RBL1: variants seen among roughly 807,000 people sequenced by gnomAD.
RBL1 encodes retinoblastoma-like protein 1.
RBL1 carries 82 observed loss-of-function variants against 123.0 expected under a neutral mutation model. The observed-to-expected ratio is 0.67, with a 90% CI of 0.56 to 0.80. The LOEUF (loss-of-function observed/expected upper bound fraction) is 0.80. Ranked by LOEUF, RBL1 falls within the 30% of genes least tolerant of loss-of-function variation. The pLI is 0.00. For synonymous variants in RBL1, 405 were observed against 441.3 expected, an observed-to-expected ratio of 0.92 and a Z score of 1.03; for missense variants, 1,171 against 1,299.6, an observed-to-expected ratio of 0.90 and a Z score of 1.52.
chr20:37,066,905 G>A (rs747780923), intron 5 of RBL1, 21 bp from the exon 6 acceptor site: 3 of 1,605,180 alleles, frequency 1.9e-6, no homozygotes, highest in Non-Finnish European at 2.5e-6. Context: ...AGTGTAGGAA[G>A]GGCAGAGGGA....
At chr20:37,073,776 C>G (rs1157017044) in intron 2 of RBL1, among the ~76,000 whole-genome samples, 3 of 148,918 alleles carry the variant, frequency 2.0e-5, no homozygotes, top group Admixed American at 1.3e-4. Flanking sequence ...CCCAGCTACT[C>G]AGGAGTCTTA....
Position 37,068,026 on chromosome 20 carries a change from A to G in RBL1, c.451T>C (p.Tyr151His). 6.2e-7 allele frequency: 1 copy of G among 1,613,812 alleles called. No homozygotes were observed. The highest frequency in any genetic ancestry group is 1.7e-4 in the Middle Eastern group (1 of 6,048). ...PIFLDIFQNPYEEPPKLPRSR... is the reference protein window; with the variant it reads ...PIFLDIFQNPHEEPPKLPRSR... ...CGTGGTAACTTTGGTGGTTCTTCAT[A>G]TGGATTTTGAAATATATCTAAAAAA... is the stretch of plus-strand genomic sequence containing the variant. The change falls in exon 3 of 22, where the codon TAT becomes CAT. Residue 151 changes from tyrosine to histidine, a missense_variant. By Grantham distance (83) the Tyr-to-His change is moderately conservative (BLOSUM62 2). Transcript: ENST00000373664.
intron 21 of RBL1, among the ~76,000 whole-genome samples, chr20:37,002,518 A>AT (rs1210284996): frequency 2.2e-5 from 3 of 137,878 alleles, no homozygotes; most frequent in Non-Finnish European, 3.1e-5. Flanking sequence ...TAATTTTTGT[A>AT]TTTTTAGAGA....
Position 37,089,140 on chromosome 20 carries a change from A to G in RBL1, c.157-18T>C. ...ACTTCTCCCTGGCAAGCAAAAGACAAACAGCAAAACAGGTATAATATTATG... is the reference window on the plus strand; with the variant it reads ...ACTTCTCCCTGGCAAGCAAAAGACAGACAGCAAAACAGGTATAATATTATG... On this transcript the variant is annotated intron_variant, in intron 1 of 21. Transcript: ENST00000373664. The G allele has an allele frequency of 6.3e-7, 1 of 1,581,520 alleles. No homozygotes were observed. The highest frequency in any genetic ancestry group is 1.2e-5 in the South Asian group (1 of 86,362).
intron 1 of RBL1, among the ~76,000 whole-genome samples, chr20:37,093,944 A>C (rs1049821710): frequency 6.6e-6 from 1 of 152,114 alleles, no homozygotes; most frequent in African/African-American, 2.4e-5. Context: ...CGCCCGGCCA[A>C]GACCCTGTTT....
intron 11 of RBL1, among the ~76,000 whole-genome samples, chr20:37,054,894 C>T (rs1013051705): frequency 3.3e-5 from 5 of 151,892 alleles, no homozygotes; most frequent in Admixed American, 1.3e-4. Context: ...AAGATATTAG[C>T]GTAAACTATG....
At chr20:37,003,503 A>G in intron 21 of RBL1, 199 bp downstream of exon 21, 1 of 1,079,806 alleles carries the variant, frequency 9.3e-7, no homozygotes, top group Non-Finnish European at 1.2e-6. Flanking sequence ...AACTCCACAA[A>G]TACCATGTCA....
At chr20:37,013,800 C>T (rs2146214144) in intron 19 of RBL1, among the ~76,000 whole-genome samples, 1 of 152,008 alleles carries the variant, frequency 6.6e-6, no homozygotes, top group South Asian at 2.1e-4. Flanking sequence ...ATCTTGGCAC[C>T]TGTTCTTGAG....
chr20:37,018,381 A>T lies in RBL1; in HGVS notation c.2632-12T>A, dbSNP rs368976604. Reference sequence around the variant, plus strand: ...ACACTTCTATATACCTACATGCCAGAGGGGAAGAAAAGGACAGCTCAGTCA... The same window carrying T: ...ACACTTCTATATACCTACATGCCAGTGGGGAAGAAAAGGACAGCTCAGTCA... On this transcript the variant is annotated splice_polypyrimidine_tract_variant and intron_variant, in intron 18 of 21. Transcript: ENST00000373664. The T allele has an allele frequency of 6.3e-7, 1 of 1,595,686 alleles. No homozygotes were observed. Among genetic ancestry groups the T allele is most frequent in the Non-Finnish European group, 8.5e-7 (1 of 1,174,080 alleles).
rs1220879340 is a variant in RBL1, at chr20:37,044,186, C to T, written c.1670G>A (p.Ser557Asn). Residue 557 changes from serine (S) to asparagine (N), a missense_variant, in exon 13 of 22, where the codon AGC becomes AAC. Transcript: ENST00000373664. ...ACTCTCCAAAATCTGTTCTTCAATGCTGTTTAGGTGTTTCACCATGTCCCT... is the reference window on the plus strand; with the variant it reads ...ACTCTCCAAAATCTGTTCTTCAATGTTGTTTAGGTGTTTCACCATGTCCCT... ...LSRDMVKHLN[S>N]IEEQILESLA... 1 of 1,613,942 alleles carries T rather than the reference C, an allele frequency of 6.2e-7. No homozygotes were observed. Among genetic ancestry groups the T allele is most frequent in the Admixed American group, 1.7e-5 (1 of 59,986 alleles).
chr20:37,025,260 C>T (rs1300162725), intron 16 of RBL1, among the ~76,000 whole-genome samples: 2 of 152,136 alleles, frequency 1.3e-5, no homozygotes, highest in African/African-American at 4.8e-5. Flanking sequence ...TGGCTCACAT[C>T]TGTAATCCCA....
At chr20:37,002,862 A>G (rs1335887481) in intron 21 of RBL1, among the ~76,000 whole-genome samples, 1 of 151,536 alleles carries the variant, frequency 6.6e-6, no homozygotes, top group African/African-American at 2.4e-5. Flanking sequence ...AGCTGAGATT[A>G]TAGGTGCGCA....
intron 2 of RBL1, among the ~76,000 whole-genome samples, chr20:37,078,132 G>A (rs1229064572): frequency 6.6e-6 from 1 of 152,122 alleles, no homozygotes; most frequent in Non-Finnish European, 1.5e-5. Context: ...TTTGACAAGA[G>A]TATTACCTAA....
chr20:37,012,935 C>CT (rs2064186110), intron 19 of RBL1, among the ~76,000 whole-genome samples: 3 of 144,884 alleles, frequency 2.1e-5, no homozygotes, highest in African/African-American at 7.7e-5. Flanking sequence ...GCCCCCCCGC[C>CT]AGCCAGCCGC....
chr20:37,009,420 A>G (rs2064119807), intron 19 of RBL1, among the ~76,000 whole-genome samples: 1 of 139,268 alleles, frequency 7.2e-6, no homozygotes, highest in Non-Finnish European at 1.5e-5. Flanking sequence ...ATATGGATCA[A>G]TTAAAATTAT....
At position 37,047,043 on chromosome 20, in the gene RBL1, T is replaced by C; in HGVS notation, c.1605+10A>G. On this transcript the variant is annotated intron_variant, in intron 12 of 21. Transcript: ENST00000373664. ...TTTCATCTCATAACAGAACTTTGTT[T>C]TCATCTCACCTTATAAAAGTAAAAT... is the stretch of plus-strand genomic sequence containing the variant. 4 of 1,574,400 alleles carry C rather than the reference T, an allele frequency of 2.5e-6. No individual in the cohort carries two copies. The highest frequency in any genetic ancestry group is 3.4e-6 in the Non-Finnish European group (4 of 1,170,144).
Position 37,007,468 on chromosome 20 carries a change from ATATAT to A in RBL1, c.2809_2813del (p.Ile937CysfsTer32). ...GTGCAAATGACTTCACTCTTCCTAC[ATATAT>A]TGTATTGTAAAATTTTATAAGATCA... On this transcript the variant is annotated frameshift_variant, in exon 20 of 22. Transcript: ENST00000373664. LOFTEE classifies it high-confidence loss of function. The A allele has an allele frequency of 6.2e-7, 1 of 1,613,896 alleles. No homozygotes were observed.
chr20:37,013,607 T>C (rs1160265841), intron 19 of RBL1, among the ~76,000 whole-genome samples: 2 of 151,048 alleles, frequency 1.3e-5, no homozygotes, highest in African/African-American at 4.9e-5. Context: ...AAAAAAAAAT[T>C]TGAGACACTA....
chr20:37,043,482 C>A (rs2064767763), intron 13 of RBL1, among the ~76,000 whole-genome samples: 1 of 150,542 alleles, frequency 6.6e-6, no homozygotes, highest in Non-Finnish European at 1.5e-5. Context: ...CAGAGCAAGA[C>A]TCCATCTCAA....
Sources: allele counts gnomAD v4.1 joint callset (sites outside exome capture counted in the v4.1 genomes callset), GRCh38; gene constraint gnomAD v4.1.1; transcripts MANE v1.5; gene names NCBI Gene and HGNC (gene_info 2026-07-23, HGNC 2026-07-21).